The following PLXNA4 variants were observed in gnomAD, a reference collection of about 807,000 sequenced individuals.
PLXNA4 encodes the protein plexin A4.
PLXNA4 carries 44 observed loss-of-function variants against 191.8 expected under a neutral mutation model. The observed-to-expected ratio is 0.23, with a 90% CI of 0.18 to 0.29. The LOEUF (loss-of-function observed/expected upper bound fraction) is 0.29, where lower values mean the gene tolerates loss of function less well. Among genes scored for constraint, PLXNA4 ranks in the 10% least tolerant of loss-of-function variants. The probability of loss-of-function intolerance (pLI) is 1.00; values close to 1 mark genes in which losing one functional copy is unlikely to be tolerated. For synonymous variants in PLXNA4, 1,082 were observed against 1,009.5 expected (o/e 1.07, Z -1.36); for missense variants, 1,800 against 2,488.8 (o/e 0.72, Z 5.89).
chr7:132,435,064 C>T (rs139206593), intron 3 of PLXNA4, among the ~76,000 whole-genome samples: 318 of 152,216 alleles, frequency 2.1e-3, no homozygotes, highest in Non-Finnish European at 3.2e-3. Context: ...AGTCAGTCTG[C>T]GCTTCTGGCA....
At chr7:132,205,448 T>A (rs1434341742) in intron 10 of PLXNA4, among the ~76,000 whole-genome samples, 6 of 152,062 alleles carry the variant, frequency 3.9e-5, no homozygotes, top group Admixed American at 2.6e-4. Context: ...ACTGCCCCAG[T>A]GGAGGGAGAA....
intron 12 of PLXNA4, among the ~76,000 whole-genome samples, chr7:132,200,029 C>T: frequency 6.6e-6 from 1 of 152,178 alleles, no homozygotes; most frequent in East Asian, 1.9e-4. Flanking sequence ...GCCTGCCTAG[C>T]CAGTCCCCAA....
At chr7:132,286,775 G>A (rs898343338) in intron 4 of PLXNA4, among the ~76,000 whole-genome samples, 1 of 152,214 alleles carries the variant, frequency 6.6e-6, no homozygotes, top group African/African-American at 2.4e-5. Context: ...TCCCTGGAGT[G>A]GAAGCAGAGT....
chr7:132,508,128 A>G lies in PLXNA4; in HGVS notation c.566T>C (p.Val189Ala). 6.2e-7 allele frequency: 1 copy of G among 1,614,198 alleles called. No homozygotes were observed. Among genetic ancestry groups the G allele is most frequent in the Non-Finnish European group, 8.5e-7 (1 of 1,180,034 alleles). The change falls in exon 2 of 32, where the codon GTG (valine) becomes GCG (alanine). Residue 189 changes from valine (V) to alanine (A), a missense_variant. By Grantham distance (64) the Val-to-Ala change is moderately conservative. This residue lies in a region of PLXNA4 where 1,397 missense variants were observed against 1,880.4 expected (regional missense o/e 0.74). Coordinates refer to ENST00000321063, the MANE Select transcript of PLXNA4 (RefSeq NM_020911.2). This position sits in a 1 kb window ranked among gnomAD's most constrained non-coding sequence, Gnocchi z 4.4. ...GGGAAAATACTCGGGCTTCCCATCCACTGCCGTGGCAATGAACAGCTTGTC... is the reference window on the plus strand; with the variant it reads ...GGGAAAATACTCGGGCTTCCCATCCGCTGCCGTGGCAATGAACAGCTTGTC... ...LDDKLFIATA[V>A]DGKPEYFPTI...
In PLXNA4 at chr7:132,185,370, G is replaced by T; in HGVS notation, c.3087C>A (p.His1029Gln). The T allele has an allele frequency of 3.1e-6, 5 of 1,614,116 alleles. No homozygotes were observed. Among genetic ancestry groups the T allele is most frequent in the Non-Finnish European group, 4.2e-6 (5 of 1,180,010 alleles). ...CCACATACTGAAAGACCAGGTCCTG[G>T]TGGATCTTGGCCCTGTCCACCTGCA... The part of the protein sequence containing the change: ...VSVQVDRAKI[H>Q]QDLVFQYVED... The change falls in exon 16 of 32, where the codon CAC (histidine) becomes CAA (glutamine). Residue 1029 changes from histidine to glutamine, a missense_variant. His to Gln is a conservative substitution (Grantham distance 24, BLOSUM62 0). Around this residue, in one of 6 missense-constraint regions of PLXNA4, gnomAD observed 1,397 missense variants for 1,880.4 expected, o/e 0.74. Coordinates refer to ENST00000321063, the MANE Select transcript of PLXNA4 (RefSeq NM_020911.2).
At chr7:132,162,043 C>G (rs1231418898) in intron 24 of PLXNA4, among the ~76,000 whole-genome samples, 1 of 152,198 alleles carries the variant, frequency 6.6e-6, no homozygotes, top group Non-Finnish European at 1.5e-5. Context: ...CTCCCCAAGC[C>G]TCTTAGAGCC....
chr7:132,416,655 G>T (rs1486364680), intron 3 of PLXNA4, among the ~76,000 whole-genome samples: 1 of 152,158 alleles, frequency 6.6e-6, no homozygotes, highest in East Asian at 1.9e-4. Context: ...TTCTTATAAT[G>T]GCACAGGGCT....
At chr7:132,222,868 C>T (rs1404747885) in intron 9 of PLXNA4, among the ~76,000 whole-genome samples, 1 of 152,152 alleles carries the variant, frequency 6.6e-6, no homozygotes, top group African/African-American at 2.4e-5. Flanking sequence ...AACAGTATCT[C>T]AGCGATTCTT....
At chr7:132,250,164 T>C (rs905730001) in intron 4 of PLXNA4, among the ~76,000 whole-genome samples, 2 of 152,188 alleles carry the variant, frequency 1.3e-5, no homozygotes, top group African/African-American at 4.8e-5. Context: ...CCTGATGGGT[T>C]GTTTTGAAGA....
At chr7:132,297,393 T>A (rs1801126941) in intron 4 of PLXNA4, among the ~76,000 whole-genome samples, 1 of 152,140 alleles carries the variant, frequency 6.6e-6, no homozygotes, top group African/African-American at 2.4e-5. Context: ...TGAAACCCCT[T>A]CCTTTGCCTG....
At chr7:132,312,445 G>T (rs1022464325) in intron 3 of PLXNA4, among the ~76,000 whole-genome samples, 1 of 152,080 alleles carries the variant, frequency 6.6e-6, no homozygotes, top group African/African-American at 2.4e-5. Flanking sequence ...AACTGAGCCC[G>T]GTGGGGAAGT....
At chr7:132,340,919 T>A (rs973455577) in intron 3 of PLXNA4, among the ~76,000 whole-genome samples, 1 of 152,182 alleles carries the variant, frequency 6.6e-6, no homozygotes, top group African/African-American at 2.4e-5. Flanking sequence ...CCTCAGGTGA[T>A]CTGCCTGCCT....
At chr7:132,387,763 CAG>C (rs1159672909) in intron 3 of PLXNA4, among the ~76,000 whole-genome samples, 1 of 152,156 alleles carries the variant, frequency 6.6e-6, no homozygotes, top group African/African-American at 2.4e-5. Context: ...GCGGCCCACG[CAG>C]AGACAGCAGG....
intron 3 of PLXNA4, among the ~76,000 whole-genome samples, chr7:132,342,477 T>G (rs548444407): frequency 6.6e-6 from 1 of 152,054 alleles, no homozygotes; most frequent in African/African-American, 2.4e-5. Context: ...CAAGGGTGTG[T>G]TTTAATAAAC....
At chr7:132,365,372 C>CGCGT (rs1554424582) in intron 3 of PLXNA4, among the ~76,000 whole-genome samples, 2 of 145,786 alleles carry the variant, frequency 1.4e-5, no homozygotes, top group East Asian at 2.0e-4. Context: ...CGTGCGCGCG[C>CGCGT]ATGCATGGGG....
intron 3 of PLXNA4, among the ~76,000 whole-genome samples, chr7:132,425,262 A>G (rs1350881660): frequency 6.6e-6 from 1 of 152,172 alleles, no homozygotes; most frequent in Admixed American, 6.5e-5. Context: ...CATTGGAGAA[A>G]TACACCTAAT....
At chr7:132,439,389 G>T in intron 3 of PLXNA4, among the ~76,000 whole-genome samples, 1 of 152,156 alleles carries the variant, frequency 6.6e-6, no homozygotes, top group Non-Finnish European at 1.5e-5. Context: ...AATTTACTTG[G>T]TGATTCACAT....
rs1387870051 is a variant in PLXNA4, at chr7:132,434,094, CTCCAAGGACGCT to C, written c.1371+55186_1371+55197del. On this transcript the variant is annotated intron_variant, in intron 3 of 31. Transcript: ENST00000321063. ...CCCACCACTGCGCAGCCTTGCCTGA[CTCCAAGGACGCT>C]TCCCGCCTTTGGTTGCCCTTCCTTT... is the stretch of plus-strand genomic sequence containing the variant. Among the ~76,000 whole-genome samples, 4 of 152,360 alleles carry C rather than the reference CTCCAAGGACGCT, an allele frequency of 2.6e-5. No homozygotes were observed. The East Asian group carries it at 7.7e-4, about 29-fold the overall frequency.
chr7:132,164,778 G>T (rs1425684421), intron 23 of PLXNA4, among the ~76,000 whole-genome samples: 1 of 152,266 alleles, frequency 6.6e-6, no homozygotes. Context: ...GGCCTTATCA[G>T]CCTCAGTAAG....
Sources: gnomAD v4.1 joint callset for allele counts (sites outside exome capture counted in the v4.1 genomes callset) on GRCh38, gnomAD v4.1.1 for gene constraint, gnomAD v4.1.1 regional missense constraint, Gnocchi (gnomAD v3.1) non-coding constraint, MANE v1.5 for transcripts, NCBI Gene and HGNC (gene_info 2026-07-23, HGNC 2026-07-21) for gene names.